FILIP1: variants seen among roughly 807,000 people sequenced by gnomAD.
FILIP1 encodes filamin A interacting protein 1.
A neutral mutation model predicts 102.1 loss-of-function variants in FILIP1; 61 were observed. The ratio of observed to expected loss-of-function variants is 0.60; its 90% CI spans 0.49 to 0.74. FILIP1 has a LOEUF of 0.74. FILIP1 is among the 30% of genes least tolerant of loss of function. The pLI, the probability that FILIP1 is intolerant of heterozygous loss-of-function variation, is 0.00. For synonymous variants in FILIP1, 491 were observed against 526.9 expected (o/e 0.93, Z 0.93); for missense variants, 1,314 against 1,441.2 (o/e 0.91, Z 1.43).
chr6:75,402,283 C>T (rs1205101719), intron 2 of FILIP1, among the ~76,000 whole-genome samples: 1 of 152,144 alleles, frequency 6.6e-6, no homozygotes, highest in Non-Finnish European at 1.5e-5. Context: ...CTACTGGACA[C>T]ATGAGATTCT....
chr6:75,487,554 G>C (rs980896401), intron 1 of FILIP1, among the ~76,000 whole-genome samples: 1 of 151,752 alleles, frequency 6.6e-6, no homozygotes, highest in Non-Finnish European at 1.5e-5. Context: ...GTGTGTGTGT[G>C]TGCACGTGCG....
chr6:75,481,086 G>A (rs1299602531), intron 1 of FILIP1, among the ~76,000 whole-genome samples: 2 of 152,066 alleles, frequency 1.3e-5, no homozygotes, highest in East Asian at 1.9e-4. Flanking sequence ...TTCCCACAGC[G>A]AGAGTCACTT....
chr6:75,305,915 TACTACGCAGTACGTTTC>T (rs1193117416), downstream of FILIP1, among the ~76,000 whole-genome samples: 1 of 152,146 alleles, frequency 6.6e-6, no homozygotes, highest in Non-Finnish European at 1.5e-5. Flanking sequence ...CCTTTTATTT[TACTACGCAGTACGTTTC>T]AGGACAGAGA....
intron 2 of FILIP1, among the ~76,000 whole-genome samples, chr6:75,370,136 T>C (rs1479576744): frequency 2.0e-5 from 3 of 152,242 alleles, no homozygotes; most frequent in African/African-American, 7.2e-5. Context: ...TATGACCCCA[T>C]TGCTGCAGTG....
chr6:75,356,308 C>T (rs1015506457), intron 3 of FILIP1, among the ~76,000 whole-genome samples: 2 of 151,896 alleles, frequency 1.3e-5, no homozygotes, highest in South Asian at 2.1e-4. Flanking sequence ...TAAAAGAGAG[C>T]TGCTCACATT....
intron 4 of FILIP1, among the ~76,000 whole-genome samples, chr6:75,320,823 C>T (rs1315743937): frequency 1.3e-5 from 2 of 152,156 alleles, no homozygotes; most frequent in Admixed American, 6.5e-5. Context: ...AAATGTGTCT[C>T]TCAACTGAGA....
intron 4 of FILIP1, among the ~76,000 whole-genome samples, chr6:75,347,306 G>A (rs1373927524): frequency 6.6e-6 from 1 of 152,158 alleles, no homozygotes; most frequent in African/African-American, 2.4e-5. Flanking sequence ...TTATAGTTTT[G>A]TAAGGATTAA....
intron 4 of FILIP1, 32 bp from the exon 5 acceptor site, chr6:75,315,234 G>A: frequency 7.3e-7 from 1 of 1,376,118 alleles, no homozygotes; most frequent in Non-Finnish European, 9.7e-7. Context: ...TATGTTAAAA[G>A]AGTAATCAGC....
chr6:75,354,627 C>T (rs1465527680), intron 3 of FILIP1, among the ~76,000 whole-genome samples: 1 of 150,926 alleles, frequency 6.6e-6, no homozygotes, highest in African/African-American at 2.4e-5. Context: ...AGTGTTCGCT[C>T]AACGTGATTT....
chr6:75,432,244 T>C (rs1777847381), intron 1 of FILIP1, among the ~76,000 whole-genome samples: 1 of 152,246 alleles, frequency 6.6e-6, no homozygotes, highest in African/African-American at 2.4e-5. Context: ...AAAACTAAGT[T>C]TGAAGACAGA....
At chr6:75,439,767 G>C (rs1167077725) in intron 1 of FILIP1, among the ~76,000 whole-genome samples, 1 of 152,204 alleles carries the variant, frequency 6.6e-6, no homozygotes, top group African/African-American at 2.4e-5. Flanking sequence ...CTCTAGGTTA[G>C]AAAGACCACA....
chr6:75,442,377 C>T lies in FILIP1; in HGVS notation c.-6-27399G>A, dbSNP rs1049496324. 2.7e-3 allele frequency among the ~76,000 whole-genome samples: 418 copies of T among 152,276 alleles called. 2 individuals carry two copies. Among genetic ancestry groups the T allele is most frequent in the African/African-American group, 8.8e-3 (366 of 41,556 alleles). ...GGCGGCCTGGCAGAGGCTGCACTCT[C>T]GGCACTTTGGGAGGCCAAGGCAGGC... On this transcript the variant is annotated intron_variant, in intron 1 of 5. Transcript: ENST00000237172.
At chr6:75,328,037 C>T (rs1773933862) in intron 4 of FILIP1, among the ~76,000 whole-genome samples, 1 of 152,104 alleles carries the variant, frequency 6.6e-6, no homozygotes, top group African/African-American at 2.4e-5. Context: ...ATGTGGGCAA[C>T]TACATAGGAT....
rs556100907 is a variant in FILIP1, at chr6:75,353,520, T to C, written c.629+19A>G. The C allele has an allele frequency of 4.3e-6, 7 of 1,613,502 alleles. No homozygotes were observed. The highest frequency in any genetic ancestry group is 1.7e-4 in the Middle Eastern group (1 of 6,056). ...GCTATGGGCATCCAGATGTGACTGG[T>C]GGTGTGTGTGCACATTACCTCTCCC... On this transcript the variant is annotated intron_variant, in intron 4 of 5. Transcript: ENST00000237172.
chr6:75,469,715 G>A (rs1779276092), intron 1 of FILIP1, among the ~76,000 whole-genome samples: 1 of 152,048 alleles, frequency 6.6e-6, no homozygotes, highest in South Asian at 2.1e-4. Flanking sequence ...AATGCACTAT[G>A]ATCAAGTAAG....
At chr6:75,458,911 C>T (rs1379775846) in intron 1 of FILIP1, 1 of 151,988 alleles carries the variant, frequency 6.6e-6, no homozygotes, top group Non-Finnish European at 1.5e-5. Flanking sequence ...AAAAAACTAC[C>T]CAAAGAAGTT....
intron 1 of FILIP1, among the ~76,000 whole-genome samples, chr6:75,474,475 T>C (rs995094372): frequency 6.6e-6 from 1 of 152,178 alleles, no homozygotes; most frequent in Non-Finnish European, 1.5e-5. Context: ...TAAGTAGCCA[T>C]ATGTCAGACC....
intron 1 of FILIP1, among the ~76,000 whole-genome samples, chr6:75,485,563 T>G (rs549016644): frequency 6.6e-6 from 1 of 152,208 alleles, no homozygotes; most frequent in Non-Finnish European, 1.5e-5. Flanking sequence ...GCCACTGGCA[T>G]AAGAGAAAGC....
At chr6:75,415,025 A>G (rs1186163292) in intron 1 of FILIP1, 47 bp from the exon 2 acceptor site, 5 of 1,549,090 alleles carry the variant, frequency 3.2e-6, no homozygotes, top group Non-Finnish European at 4.4e-6. Context: ...TACCACCATC[A>G]AAATTATTTT....
Sources: allele counts gnomAD v4.1 joint callset (sites outside exome capture counted in the v4.1 genomes callset), GRCh38; gene constraint gnomAD v4.1.1; transcripts MANE v1.5; gene names NCBI Gene and HGNC (gene_info 2026-07-23, HGNC 2026-07-21).